The following PTTG1IP2 variants were observed in gnomAD, a reference collection of about 807,000 sequenced individuals.
PTTG1IP2 encodes PTTG1IP family member 2.
chr7:90,507,189 CA>C (rs1474065887), intron 6 of PTTG1IP2, among the ~76,000 whole-genome samples: 2 of 152,056 alleles, frequency 1.3e-5, no homozygotes, highest in African/African-American at 4.8e-5. Flanking sequence ...GTAGGGATAA[CA>C]TTTTTTTCTG....
chr7:90,486,236 T>G (rs1220830121), intron 2 of PTTG1IP2, among the ~76,000 whole-genome samples: 1 of 152,166 alleles, frequency 6.6e-6, no homozygotes, highest in Non-Finnish European at 1.5e-5. Context: ...CCATGCTACT[T>G]AGGTTAGAAC....
intron 6 of PTTG1IP2, among the ~76,000 whole-genome samples, chr7:90,496,024 G>T (rs1458116477): frequency 6.6e-6 from 1 of 152,202 alleles, no homozygotes; most frequent in African/African-American, 2.4e-5. Flanking sequence ...TGACATAAAT[G>T]ATCCTCTTAA....
At chr7:90,481,264 A>G (rs1188268194) in intron 2 of PTTG1IP2, among the ~76,000 whole-genome samples, 1 of 152,170 alleles carries the variant, frequency 6.6e-6, no homozygotes, top group African/African-American at 2.4e-5. Context: ...GTTTTGATAC[A>G]GGCATGCAAT....
rs879804826 is a variant in PTTG1IP2 at position 90,494,352 on chromosome 7, T to C, written c.452-15T>C. Reference sequence around the variant, plus strand: ...ATAGAATTTGAAAAGATAAATTTATTTTCTCTTCTCATAGTATATGATGAA... The same window carrying C: ...ATAGAATTTGAAAAGATAAATTTATCTTCTCTTCTCATAGTATATGATGAA... On this transcript the variant is annotated splice_polypyrimidine_tract_variant and intron_variant, in intron 5 of 6. Coordinates refer to ENST00000509356, the MANE Select transcript of PTTG1IP2 (RefSeq NM_001365443.2). 6.6e-6 allele frequency: 1 copy of C among 152,214 alleles called. No homozygotes were observed. Among genetic ancestry groups the C allele is most frequent in the Non-Finnish European group, 1.5e-5 (1 of 68,040 alleles). 9.4% of individuals were successfully genotyped at this position (152,214 alleles called of 1,614,324 possible). A position where few individuals can be genotyped will look rare whatever the true frequency, so the allele number is the denominator to read the frequency against.
intron 2 of PTTG1IP2, among the ~76,000 whole-genome samples, chr7:90,485,716 C>T (rs545510451): frequency 1.4e-4 from 22 of 152,316 alleles, no homozygotes; most frequent in African/African-American, 4.6e-4. Flanking sequence ...CTTCTGGGGC[C>T]TGCACTTCTT....
intron 2 of PTTG1IP2, among the ~76,000 whole-genome samples, chr7:90,481,772 C>T (rs761651281): frequency 5.3e-5 from 8 of 152,080 alleles, no homozygotes; most frequent in Non-Finnish European, 8.8e-5. Flanking sequence ...CCCTTGTTCT[C>T]AGCTCCTTAA....
At chr7:90,497,563 CAAAAAAA>C (rs758753541) in intron 6 of PTTG1IP2, among the ~76,000 whole-genome samples, 3 of 44,404 alleles carry the variant, frequency 6.8e-5, no homozygotes, top group Non-Finnish European at 1.5e-4. Flanking sequence ...GAATCCGTCT[CAAAAAAA>C]AAAAAAAAAA....
chr7:90,472,242 C>A (rs1385463198), intron 1 of PTTG1IP2, among the ~76,000 whole-genome samples: 1 of 146,438 alleles, frequency 6.8e-6, no homozygotes, highest in Non-Finnish European at 1.5e-5. Flanking sequence ...CCCTGCACAG[C>A]AAAATAAAGA....
chr7:90,485,813 A>G (rs1383414048), intron 2 of PTTG1IP2, among the ~76,000 whole-genome samples: 1 of 152,130 alleles, frequency 6.6e-6, no homozygotes, highest in Non-Finnish European at 1.5e-5. Context: ...CTGCAAGTTC[A>G]GGTTTTTTTC....
intron 2 of PTTG1IP2, among the ~76,000 whole-genome samples, chr7:90,481,920 T>C (rs1797819312): frequency 6.6e-6 from 1 of 152,192 alleles, no homozygotes; most frequent in African/African-American, 2.4e-5. Flanking sequence ...GTATACTCTA[T>C]AATGTAACAT....
At position 90,489,460 on chromosome 7, in the gene PTTG1IP2, G is replaced by T. The variant is rs1420931779; in HGVS notation, c.380+496G>T. ...CTAATATTTCTCCTGTTGACTTTGA[G>T]TAATCAATTTAATTCCTTGTTTCTA... On this transcript the variant is annotated intron_variant, in intron 4 of 6. Transcript: ENST00000509356. Among the ~76,000 whole-genome samples the T allele has an allele frequency of 4.0e-5, 6 of 151,694 alleles. No homozygotes were observed. The East Asian group carries it at 1.2e-3, about 29-fold the overall frequency.
chr7:90,478,472 A>G (rs762930041), intron 1 of PTTG1IP2, among the ~76,000 whole-genome samples: 20 of 152,190 alleles, frequency 1.3e-4, no homozygotes, highest in Non-Finnish European at 2.8e-4. Context: ...ACTGAACTGT[A>G]AAATTTTTTC....
intron 1 of PTTG1IP2, among the ~76,000 whole-genome samples, chr7:90,477,981 C>T (rs1330055617): frequency 6.6e-6 from 1 of 150,822 alleles, no homozygotes. Context: ...CCTGTAGTCC[C>T]AGCTACTCGG....
intron 2 of PTTG1IP2, among the ~76,000 whole-genome samples, chr7:90,481,076 A>G: frequency 6.6e-6 from 1 of 152,180 alleles, no homozygotes; most frequent in East Asian, 1.9e-4. Context: ...ATTAGGAGGT[A>G]GATAAGATTT....
At chr7:90,473,227 G>GT (rs1200539979) in intron 1 of PTTG1IP2, among the ~76,000 whole-genome samples, 5 of 152,280 alleles carry the variant, frequency 3.3e-5, no homozygotes, top group Admixed American at 3.3e-4. Flanking sequence ...AGTGGGTGGG[G>GT]TACAGACAAG....
At chr7:90,498,534 C>A in intron 6 of PTTG1IP2, among the ~76,000 whole-genome samples, 1 of 152,100 alleles carries the variant, frequency 6.6e-6, no homozygotes, top group East Asian at 1.9e-4. Flanking sequence ...TTATATCAAA[C>A]AAAATAGACT....
intron 3 of PTTG1IP2, among the ~76,000 whole-genome samples, chr7:90,488,508 T>C (rs1797902836): frequency 6.6e-6 from 1 of 152,060 alleles, no homozygotes; most frequent in South Asian, 2.1e-4. Context: ...CATTTCCTGC[T>C]ATCTAGATGT....
intron 6 of PTTG1IP2, among the ~76,000 whole-genome samples, chr7:90,505,351 T>C (rs1798112231): frequency 1.3e-5 from 2 of 152,242 alleles, no homozygotes; most frequent in South Asian, 4.1e-4. Flanking sequence ...TTAACCATCA[T>C]GATTGTACAA....
chr7:90,477,969 T>C (rs1584691449), intron 1 of PTTG1IP2, among the ~76,000 whole-genome samples: 1 of 151,342 alleles, frequency 6.6e-6, no homozygotes. Context: ...TGGTGGCAGG[T>C]GCCTGTAGTC....
Sources: allele counts gnomAD v4.1 joint callset (sites outside exome capture counted in the v4.1 genomes callset), GRCh38; gene constraint gnomAD v4.1.1; transcripts MANE v1.5; gene names NCBI Gene and HGNC (gene_info 2026-07-23, HGNC 2026-07-21).